LRFN2: variants seen among roughly 807,000 people sequenced by gnomAD.
The protein encoded by LRFN2 is leucine rich repeat and fibronectin type III domain containing 2, also known as leucine-rich repeat and fibronectin type-III domain-containing protein 2.
Under a neutral mutation model 37.3 loss-of-function variants are expected in LRFN2, and 18 were observed. The observed-to-expected ratio is 0.48, with a 90% CI of 0.33 to 0.72. The LOEUF is 0.72. LRFN2 is among the 30% of genes least tolerant of loss of function. The pLI is 0.02. For missense variants in LRFN2, 1,006 were observed against 1,060.7 expected, an observed-to-expected ratio of 0.95 and a Z score of 0.72; for synonymous variants, 556 against 466.6, an observed-to-expected ratio of 1.19 and a Z score of -2.47.
intron 1 of LRFN2, among the ~76,000 whole-genome samples, chr6:40,562,525 T>C (rs901685396): frequency 2.0e-5 from 3 of 151,756 alleles, no homozygotes; most frequent in East Asian, 3.9e-4. Flanking sequence ...CAAGAGAAAA[T>C]GGGGTCCACC....
At chr6:40,408,449 A>G (rs1762893603) in intron 2 of LRFN2, among the ~76,000 whole-genome samples, 1 of 152,120 alleles carries the variant, frequency 6.6e-6, no homozygotes, top group African/African-American at 2.4e-5. Flanking sequence ...GGGGAGGGGT[A>G]GAAAGAACCC....
At chr6:40,416,648 G>A (rs920282600) in intron 2 of LRFN2, among the ~76,000 whole-genome samples, 1 of 152,158 alleles carries the variant, frequency 6.6e-6, no homozygotes, top group Non-Finnish European at 1.5e-5. Flanking sequence ...TCCTCTCCCT[G>A]ACTCTCCCAA....
intron 2 of LRFN2, among the ~76,000 whole-genome samples, chr6:40,398,358 G>C (rs1762658607): frequency 6.6e-6 from 1 of 151,874 alleles, no homozygotes; most frequent in South Asian, 2.1e-4. Context: ...CAACCTTACA[G>C]GGTGGGCACC....
At chr6:40,537,237 G>A (rs1766465612) in intron 1 of LRFN2, among the ~76,000 whole-genome samples, 1 of 152,204 alleles carries the variant, frequency 6.6e-6, no homozygotes, top group Non-Finnish European at 1.5e-5. Context: ...GATGTGTAAG[G>A]CCCATGGGGG....
intron 1 of LRFN2, chr6:40,516,507 A>T (rs1331513556): frequency 6.6e-6 from 1 of 152,172 alleles, no homozygotes; most frequent in Admixed American, 6.5e-5. Context: ...GGTGGCCCAC[A>T]TGCCACTGTG....
At chr6:40,577,839 AT>A (rs66842384) in intron 1 of LRFN2, among the ~76,000 whole-genome samples, 64,215 of 137,454 alleles carry the variant, frequency 0.47, 14,405 homozygotes, top group Middle Eastern at 0.56. Context: ...ATAAATAAAA[AT>A]AAAAGATCCA....
intron 1 of LRFN2, among the ~76,000 whole-genome samples, chr6:40,543,845 C>G (rs1766601188): frequency 6.6e-6 from 1 of 152,240 alleles, no homozygotes; most frequent in African/African-American, 2.4e-5. Flanking sequence ...ATACAGTGCT[C>G]CTGTTGAGAG....
chr6:40,397,937 G>T (rs766117917), intron 2 of LRFN2, among the ~76,000 whole-genome samples: 12 of 151,830 alleles, frequency 7.9e-5, no homozygotes, highest in Non-Finnish European at 1.6e-4. Flanking sequence ...AGGAATTAAG[G>T]CTTTATAGCA....
At chr6:40,537,475 A>C (rs1021851878) in intron 1 of LRFN2, among the ~76,000 whole-genome samples, 2 of 152,188 alleles carry the variant, frequency 1.3e-5, no homozygotes. Flanking sequence ...ATTTCCAAGA[A>C]GAAGTATCAG....
At chr6:40,425,088 G>C (rs1338116993) in intron 2 of LRFN2, among the ~76,000 whole-genome samples, 1 of 152,168 alleles carries the variant, frequency 6.6e-6, no homozygotes, top group African/African-American at 2.4e-5. Context: ...CCCTGCCCCA[G>C]CCCTGCAAAA....
rs542811457 is a variant in LRFN2 at position 40,470,209 on chromosome 6, T to C, written c.-18-37078A>G. On this transcript the variant is annotated intron_variant, in intron 1 of 2. Transcript: ENST00000338305. ...TGTGGGCTGGGGAAACAGGCAGTCATGGGCTGGGTGCATCTGAGAAAACAC... is the reference window on the plus strand; with the variant it reads ...TGTGGGCTGGGGAAACAGGCAGTCACGGGCTGGGTGCATCTGAGAAAACAC... 9.2e-5 allele frequency among the ~76,000 whole-genome samples: 14 copies of C among 152,348 alleles called. No individual in the cohort carries two copies. In the South Asian group the frequency reaches 2.9e-3, roughly 32 times the overall value.
intron 1 of LRFN2, among the ~76,000 whole-genome samples, chr6:40,577,147 G>C (rs2113797915): frequency 1.1e-5 from 1 of 93,360 alleles, no homozygotes; most frequent in Non-Finnish European, 2.3e-5. Context: ...TCTCACCCAG[G>C]CTGGAGTGCA....
chr6:40,541,129 T>C (rs1766548058), intron 1 of LRFN2, among the ~76,000 whole-genome samples: 1 of 152,082 alleles, frequency 6.6e-6, no homozygotes. Context: ...GGTACAACCA[T>C]CAGATCCTGA....
At chr6:40,530,018 C>A (rs1337180120) in intron 1 of LRFN2, among the ~76,000 whole-genome samples, 1 of 152,220 alleles carries the variant, frequency 6.6e-6, no homozygotes, top group Non-Finnish European at 1.5e-5. Flanking sequence ...TTACAGGTGG[C>A]CCCTATGGGT....
At chr6:40,512,351 G>A (rs1262109910) in intron 1 of LRFN2, among the ~76,000 whole-genome samples, 2 of 152,186 alleles carry the variant, frequency 1.3e-5, no homozygotes, top group Non-Finnish European at 2.9e-5. Flanking sequence ...ACTGGAACTG[G>A]AGTGAGTCTT....
chr6:40,577,885 G>A (rs1040001455), intron 1 of LRFN2, among the ~76,000 whole-genome samples: 1 of 151,822 alleles, frequency 6.6e-6, no homozygotes, highest in African/African-American at 2.4e-5. Flanking sequence ...GAGCAGCCTT[G>A]GGACAAAGGT....
At chr6:40,530,414 G>T (rs1459826177) in intron 1 of LRFN2, among the ~76,000 whole-genome samples, 1 of 152,190 alleles carries the variant, frequency 6.6e-6, no homozygotes, top group Non-Finnish European at 1.5e-5. Flanking sequence ...CTGAATAGTA[G>T]CTCATTGAGA....
chr6:40,422,107 C>T (rs1763240972), intron 2 of LRFN2, among the ~76,000 whole-genome samples: 1 of 152,170 alleles, frequency 6.6e-6, no homozygotes, highest in Non-Finnish European at 1.5e-5. Flanking sequence ...CTGAAATGCA[C>T]ATGGTGTTTT....
chr6:40,473,615 G>A (rs921277410), intron 1 of LRFN2, among the ~76,000 whole-genome samples: 11 of 152,160 alleles, frequency 7.2e-5, no homozygotes, highest in South Asian at 2.1e-4. Context: ...TGTGCAGAAC[G>A]TGCAGGTTTG....
Sources: gnomAD v4.1 joint callset for allele counts (sites outside exome capture counted in the v4.1 genomes callset) on GRCh38, gnomAD v4.1.1 for gene constraint, MANE v1.5 for transcripts, NCBI Gene and HGNC (gene_info 2026-07-23, HGNC 2026-07-21) for gene names.